Variants in C1QL2 observed in about 807,000 individuals in gnomAD.
C1QL2 encodes the protein complement C1q like 2.
In C1QL2, 13 loss-of-function variants were observed where a neutral mutation model predicts 16.6. The observed-to-expected ratio is 0.78, with a 90% CI of 0.51 to 1.25. The LOEUF is 1.25. Ranked by LOEUF, C1QL2 falls within the 50% of genes most tolerant of loss-of-function variation. C1QL2 has a pLI of 0.00. For missense variants in C1QL2, 396 were observed against 409.6 expected, an observed-to-expected ratio of 0.97 and a Z score of 0.29; for synonymous variants, 210 against 183.2, an observed-to-expected ratio of 1.15 and a Z score of -1.18.
chr2:119,158,016 C>A lies in C1QL2; in HGVS notation c.254G>T (p.Gly85Val). The A allele has an allele frequency of 6.6e-7, 1 of 1,526,574 alleles. No homozygotes were observed. Among genetic ancestry groups the A allele is most frequent in the Non-Finnish European group, 8.8e-7 (1 of 1,137,622 alleles). The allele number at this position is 1,526,574 out of a possible 1,614,324, so 94.6% of individuals were successfully genotyped here. The stretch of plus-strand genomic sequence containing the variant: ...AGGGGGCCCCCGCGGCCCTGGCTTG[C>A]CCGGTCGCCCCGGGTCGCCCTTGGG... ...QGPKGDPGRP[G>V]KPGPRGPPGE... Residue 85 changes from glycine (G) to valine (V), a missense_variant, in exon 1 of 2, where the codon GGC (glycine) becomes GTC (valine). By Grantham distance (109) the Gly-to-Val change is moderately radical. Coordinates refer to ENST00000272520, the MANE Select transcript of C1QL2 (RefSeq NM_182528.4).
In C1QL2 at chr2:119,157,713, T is replaced by C. The variant is rs1457580344; in HGVS notation, c.557A>G (p.Asn186Ser). 1 of 1,614,124 alleles carries C rather than the reference T, an allele frequency of 6.2e-7. No homozygotes were observed. The highest frequency in any genetic ancestry group is 1.7e-5 in the Admixed American group (1 of 60,016). ...CTTGCCCGTGGTGGGGTCATAGTGA[T>C]TGCCGAGGTTGGTGACCACGTCATC... ...KFDDVVTNLG[N>S]HYDPTTGKFS... The change falls in exon 1 of 2, where the codon AAT becomes AGT. Residue 186 changes from asparagine to serine, a missense_variant. Coordinates refer to ENST00000272520, the MANE Select transcript of C1QL2 (RefSeq NM_182528.4).
Position 119,158,112 on chromosome 2 carries a change from C to A in C1QL2, c.158G>T (p.Gly53Val), listed in dbSNP as rs1677995688. ...EPPGAKAQPPGPSTAALEVMQ... is the reference protein window; with the variant it reads ...EPPGAKAQPPVPSTAALEVMQ... ...GACTTCCAGGGCGGCGGTGCTGGGTCCGGGTGGCTGCGCCTTTGCACCCGG... is the reference window on the plus strand; with the variant it reads ...GACTTCCAGGGCGGCGGTGCTGGGTACGGGTGGCTGCGCCTTTGCACCCGG... The change falls in exon 1 of 2, where the codon GGA becomes GTA. Residue 53 changes from glycine to valine, a missense_variant. Gly to Val is a moderately radical substitution (Grantham distance 109). Transcript: ENST00000272520. The A allele has an allele frequency of 6.5e-7, 1 of 1,537,288 alleles. No individual in the cohort carries two copies. The highest frequency in any genetic ancestry group is 2.5e-5 in the East Asian group (1 of 39,372).
At chr2:119,157,014 G>A (rs781074413) in intron 1 of C1QL2, 33 bp from the exon 2 acceptor site, 5 of 1,607,922 alleles carry the variant, frequency 3.1e-6, no homozygotes, top group East Asian at 4.5e-5. Context: ...GGTGAGCCGG[G>A]GCACCTCTTC....
In C1QL2 at chr2:119,158,244, AC is replaced by A; in HGVS notation, c.25del (p.Val9CysfsTer17). 6.4e-7 allele frequency: 1 copy of A among 1,570,546 alleles called. No homozygotes were observed. Among genetic ancestry groups the A allele is most frequent in the Non-Finnish European group, 8.6e-7 (1 of 1,163,894 alleles). ...GGGCGCCGCCTGCAGCAGCAGCGGC[AC>A]GGCGATGAGCAGCCCGAGCGCCATG... MALGLLIA[V>X]PLLLQAAPRG... On this transcript the variant is annotated frameshift_variant, in exon 1 of 2. Coordinates refer to ENST00000272520, the MANE Select transcript of C1QL2 (RefSeq NM_182528.4). LOFTEE classifies it high-confidence loss of function.
rs1472715841 is a variant in C1QL2 at position 119,157,885 on chromosome 2, C to G, written c.385G>C (p.Val129Leu). ...LQLTAGTASG[V>L]GVVGGGAGVG... ...CCGGCCCCGCCGCCCACCACCCCGA[C>G]GCCGCTGGCCGTGCCCGCCGTCAGT... Residue 129 changes from valine to leucine, a missense_variant, in exon 1 of 2, where the codon GTC becomes CTC. Val to Leu is a conservative substitution (Grantham distance 32). Coordinates refer to ENST00000272520, the MANE Select transcript of C1QL2 (RefSeq NM_182528.4). 1.9e-6 allele frequency: 3 copies of G among 1,572,406 alleles called. No individual in the cohort carries two copies. The highest frequency in any genetic ancestry group is 2.6e-6 in the Non-Finnish European group (3 of 1,159,696).
Position 119,157,869 on chromosome 2 carries a change from C to A in C1QL2, c.401G>T (p.Gly134Val). The A allele has an allele frequency of 6.3e-7, 1 of 1,582,638 alleles. No individual in the cohort carries two copies. The highest frequency in any genetic ancestry group is 8.6e-7 in the Non-Finnish European group (1 of 1,165,290). Residue 134 changes from glycine (G) to valine (V), a missense_variant, in exon 1 of 2, where the codon GGC becomes GTC. By Grantham distance (109) the Gly-to-Val change is moderately radical. This residue lies in a region of C1QL2 where 353 missense variants were observed against 334.8 expected (regional missense o/e 1.05). Transcript: ENST00000272520. Reference protein sequence around the residue: ...GTASGVGVVGGGAGVGGDSEG... With the variant: ...GTASGVGVVGVGAGVGGDSEG... ...GGAATCGCCACCTACCCCGGCCCCG[C>A]CGCCCACCACCCCGACGCCGCTGGC...
At position 119,157,675 on chromosome 2, in the gene C1QL2, C is replaced by A; in HGVS notation, c.595G>T (p.Val199Leu). 1 of 1,614,180 alleles carries A rather than the reference C, an allele frequency of 6.2e-7. No homozygotes were observed. Among genetic ancestry groups the A allele is most frequent in the Non-Finnish European group, 8.5e-7 (1 of 1,180,008 alleles). The change falls in exon 1 of 2, where the codon GTA (valine) becomes TTA (leucine). Residue 199 changes from valine to leucine, a missense_variant. Physicochemically the swap from Val to Leu is conservative, Grantham distance 32 (BLOSUM62 1). Transcript: ENST00000272520. ...TAGGTGAAGAAGTAGATGCCGCGTA[C>A]CTGGCAGCTGAACTTGCCCGTGGTG... ...DPTTGKFSCQ[V>L]RGIYFFTYHI...
At position 119,157,596 on chromosome 2, in the gene C1QL2, T is replaced by C; in HGVS notation, c.674A>G (p.Lys225Arg). 1 of 1,614,072 alleles carries C rather than the reference T, an allele frequency of 6.2e-7. No individual in the cohort carries two copies. Among genetic ancestry groups the C allele is most frequent in the Non-Finnish European group, 8.5e-7 (1 of 1,180,014 alleles). ...DGTSMWADLCKNGQVRASAIA... is the reference protein window; with the variant it reads ...DGTSMWADLCRNGQVRASAIA... ...GTAGGGGTCACTGACCTGCCCGTTCTTGCAGAGGTCCGCCCACATGCTGGT... is the reference window on the plus strand; with the variant it reads ...GTAGGGGTCACTGACCTGCCCGTTCCTGCAGAGGTCCGCCCACATGCTGGT... Residue 225 changes from lysine (K) to arginine (R), a missense_variant, in exon 1 of 2, where the codon AAG becomes AGG. Lys to Arg is a conservative substitution (Grantham distance 26). Around this residue, in one of 2 missense-constraint regions of C1QL2, gnomAD observed 353 missense variants for 334.8 expected, o/e 1.05. Coordinates refer to ENST00000272520, the MANE Select transcript of C1QL2 (RefSeq NM_182528.4).
rs537066734 is a variant in C1QL2 at position 119,157,039 on chromosome 2, A to G, written c.685-58T>C. On this transcript the variant is annotated intron_variant, in intron 1 of 1. Transcript: ENST00000272520. ...GGCACCTCTTCCCGCGCCTTTGCTC[A>G]GCCCACACCAGGCGCGCCACTCACG... The G allele has an allele frequency of 4.9e-5, 78 of 1,578,942 alleles. 2 individuals are homozygous for G. In the South Asian group the frequency reaches 6.0e-4, roughly 12 times the overall value.
chr2:119,157,531 G>A, intron 1 of C1QL2, 55 bp downstream of exon 1: 1 of 1,556,524 alleles, frequency 6.4e-7, no homozygotes, highest in Non-Finnish European at 8.7e-7. Flanking sequence ...TTCCCTGGGA[G>A]GTTCAGGGCG....
At chr2:119,157,080 G>T in intron 1 of C1QL2, 99 bp from the exon 2 acceptor site, 1 of 1,391,260 alleles carries the variant, frequency 7.2e-7, no homozygotes, top group Non-Finnish European at 9.9e-7. Context: ...CCCGCCTGCT[G>T]CTTCAGGGTC....
In C1QL2 at chr2:119,158,100, G is replaced by A. The variant is rs1677995463; in HGVS notation, c.170C>T (p.Ala57Val). The change falls in exon 1 of 2, where the codon GCC becomes GTC. Residue 57 changes from alanine to valine, a missense_variant. Ala to Val is a moderately conservative substitution (Grantham distance 64). Coordinates refer to ENST00000272520, the MANE Select transcript of C1QL2 (RefSeq NM_182528.4). The stretch of plus-strand genomic sequence containing the variant: ...GAGGTCCTGCATGACTTCCAGGGCG[G>A]CGGTGCTGGGTCCGGGTGGCTGCGC... ...AKAQPPGPST[A>V]ALEVMQDLSA... The A allele has an allele frequency of 2.6e-6, 4 of 1,530,884 alleles. No homozygotes were observed. In the South Asian group the frequency reaches 4.9e-5, roughly 19 times the overall value. The allele number at this position is 1,530,884 out of a possible 1,614,324, so 94.8% of individuals were successfully genotyped here. A position where few individuals can be genotyped will look rare whatever the true frequency, so the allele number is the denominator to read the frequency against.
rs922187481 is a variant in C1QL2 at position 119,157,662 on chromosome 2, T to G, written c.608A>C (p.Tyr203Ser). Residue 203 changes from tyrosine to serine, a missense_variant, in exon 1 of 2, where the codon TAC (tyrosine) becomes TCC (serine). Tyr to Ser is a moderately radical substitution (Grantham distance 144, BLOSUM62 -2). Coordinates refer to ENST00000272520, the MANE Select transcript of C1QL2 (RefSeq NM_182528.4). ...CATGAGGATGTGGTAGGTGAAGAAG[T>G]AGATGCCGCGTACCTGGCAGCTGAA... is the stretch of plus-strand genomic sequence containing the variant. ...GKFSCQVRGI[Y>S]FFTYHILMRG... The G allele has an allele frequency of 6.2e-7, 1 of 1,614,008 alleles. No individual in the cohort carries two copies. Among genetic ancestry groups the G allele is most frequent in the Non-Finnish European group, 8.5e-7 (1 of 1,179,966 alleles).
At position 119,156,564 on chromosome 2, in the gene C1QL2, G is replaced by C; in HGVS notation, c.*238C>G. On this transcript the variant is annotated 3_prime_UTR_variant, in exon 2 of 2. Coordinates refer to ENST00000272520, the MANE Select transcript of C1QL2 (RefSeq NM_182528.4). ...CAAAGTCTGTGCCGCCGCCTCAAGG[G>C]CTCGGGCGTCCCTTCCTCCCTTGCC... 2.0e-6 allele frequency: 1 copy of C among 501,580 alleles called. No individual in the cohort carries two copies. The highest frequency in any genetic ancestry group is 3.5e-6 in the Non-Finnish European group (1 of 288,192). 31.1% of individuals were successfully genotyped at this position (501,580 alleles called of 1,614,324 possible).
Position 119,156,495 on chromosome 2 carries a change from G to A in C1QL2, c.*307C>T, listed in dbSNP as rs370648001. The A allele has an allele frequency of 1.0e-4, 24 of 232,574 alleles. 1 individual carries two copies. The South Asian group carries it at 2.7e-3, about 27-fold the overall frequency. 14.4% of individuals were successfully genotyped at this position (232,574 alleles called of 1,614,324 possible). ...AGGCACTGGGAGGAGGCTGTCTGAG[G>A]AGGGCAGGCTCCCGGCCCTGCCTGT... On this transcript the variant is annotated 3_prime_UTR_variant, in exon 2 of 2. Transcript: ENST00000272520.
rs904193888 is a variant in C1QL2, at chr2:119,158,153, C to A, written c.117G>T (p.Ala39=). ...CRMICDPYTA[A]PGGEPPGAKA... Reference sequence around the variant, plus strand: ...TTGCACCCGGGGGCTCCCCGCCGGGCGCGGCAGTGTAAGGGTCGCAGATCA... The same window carrying A: ...TTGCACCCGGGGGCTCCCCGCCGGGAGCGGCAGTGTAAGGGTCGCAGATCA... Residue 39 remains alanine, a synonymous_variant, in exon 1 of 2, where the codon GCG becomes GCT. Coordinates refer to ENST00000272520, the MANE Select transcript of C1QL2 (RefSeq NM_182528.4). The A allele has an allele frequency of 1.3e-6, 2 of 1,568,674 alleles. No individual in the cohort carries two copies. The highest frequency in any genetic ancestry group is 1.2e-5 in the South Asian group (1 of 85,994).
Position 119,156,834 on chromosome 2 carries a change from T to C in C1QL2, c.832A>G (p.Thr278Ala). 6.2e-7 allele frequency: 1 copy of C among 1,613,976 alleles called. No homozygotes were observed. Among genetic ancestry groups the C allele is most frequent in the Non-Finnish European group, 8.5e-7 (1 of 1,179,892 alleles). ...GGGTACAGAAGAAAGCCCGAGAACG[T>C]GCTGTACTTGTTATTATTGCCTCCG... is the stretch of plus-strand genomic sequence containing the variant. ...AHGGNNNKYS[T>A]FSGFLLYPD Residue 278 changes from threonine to alanine, a missense_variant, in exon 2 of 2, where the codon ACG becomes GCG. Around this residue, in one of 2 missense-constraint regions of C1QL2, gnomAD observed 43 missense variants for 74.8 expected, o/e 0.57. Coordinates refer to ENST00000272520, the MANE Select transcript of C1QL2 (RefSeq NM_182528.4).
intron 1 of C1QL2, 145 bp from the exon 2 acceptor site, chr2:119,157,126 CT>C: frequency 1.1e-6 from 1 of 939,758 alleles, no homozygotes; most frequent in Non-Finnish European, 1.6e-6. Flanking sequence ...CTCTCTCCAA[CT>C]TAGTCAACTC....
chr2:119,156,906 C>A lies in C1QL2; in HGVS notation c.760G>T (p.Asp254Tyr). The A allele has an allele frequency of 3.1e-6, 5 of 1,614,102 alleles. No individual in the cohort carries two copies. The highest frequency in any genetic ancestry group is 2.5e-6 in the Non-Finnish European group (3 of 1,179,946). Residue 254 changes from aspartate (D) to tyrosine (Y), a missense_variant, in exon 2 of 2, where the codon GAT becomes TAT. Asp to Tyr is a radical substitution (Grantham distance 160). Coordinates refer to ENST00000272520, the MANE Select transcript of C1QL2 (RefSeq NM_182528.4). ...YASNSVVLHL[D>Y]SGDEVYVKLD... is the part of the protein sequence containing the mutation. ...TTCACATACACTTCGTCCCCTGAAT[C>A]CAAGTGCAGCACCACGCTGTTACTG...
Sources: allele counts gnomAD v4.1 joint callset, GRCh38; gene constraint gnomAD v4.1.1; regional missense constraint gnomAD v4.1.1; transcripts MANE v1.5; gene names NCBI Gene and HGNC (gene_info 2026-07-23, HGNC 2026-07-21).